Variants in NTRK3 observed in about 807,000 individuals in gnomAD.
The protein encoded by NTRK3 is NT-3 growth factor receptor.
In NTRK3, 24 loss-of-function variants were observed where a neutral mutation model predicts 91.7. The ratio of observed to expected loss-of-function variants is 0.26; its 90% CI spans 0.19 to 0.37. NTRK3 has a LOEUF of 0.37. NTRK3 is among the 10% of genes least tolerant of loss of function. The pLI is 1.00. For missense variants in NTRK3, 880 were observed against 1,068.9 expected (o/e 0.82, Z 2.46); for synonymous variants, 483 against 404.0 (o/e 1.20, Z -2.34).
chr15:88,192,771 C>T (rs531522079), intron 3 of NTRK3, among the ~76,000 whole-genome samples: 38 of 152,144 alleles, frequency 2.5e-4, no homozygotes, highest in Admixed American at 5.2e-4. Context: ...GGACCTCCTA[C>T]GTGAAACACT....
At chr15:87,933,965 AAG>A (rs1297348101) in intron 15 of NTRK3, among the ~76,000 whole-genome samples, 2 of 152,200 alleles carry the variant, frequency 1.3e-5, no homozygotes, top group Non-Finnish European at 2.9e-5. Flanking sequence ...AAGTGTGAGA[AAG>A]AGGTGCAAAC....
At chr15:87,955,827 G>A (rs1169019785) in intron 14 of NTRK3, among the ~76,000 whole-genome samples, 1 of 152,118 alleles carries the variant, frequency 6.6e-6, no homozygotes, top group African/African-American at 2.4e-5. Flanking sequence ...TTTGCTGAGG[G>A]GTCACATGTT....
At chr15:88,093,388 G>C (rs1354815640) in intron 13 of NTRK3, among the ~76,000 whole-genome samples, 1 of 152,136 alleles carries the variant, frequency 6.6e-6, no homozygotes, top group Non-Finnish European at 1.5e-5. Context: ...TAGAAAGCAG[G>C]AAGGGGAGGA....
intron 14 of NTRK3, among the ~76,000 whole-genome samples, chr15:88,008,647 C>T (rs2076655761): frequency 6.6e-6 from 1 of 152,122 alleles, no homozygotes; most frequent in African/African-American, 2.4e-5. Context: ...GAGTCCCAGT[C>T]TCCTGACACT....
rs183148552 is a variant in NTRK3 at position 88,230,559 on chromosome 15, A to G, written c.248+25347T>C. 3.7e-3 allele frequency among the ~76,000 whole-genome samples: 567 copies of G among 152,358 alleles called. 3 individuals carry two copies. Among genetic ancestry groups the G allele is most frequent in the African/African-American group, 0.013 (532 of 41,586 alleles). On this transcript the variant is annotated intron_variant, in intron 3 of 18. Coordinates refer to ENST00000394480, the Ensembl canonical transcript of NTRK3. The stretch of plus-strand genomic sequence containing the variant: ...GAGTAAAAAGTTATTTTGAAAAGCC[A>G]TCAATTTTAATTTTAATCATTTTAA...
exon 19 of NTRK3, chr15:87,867,722 C>G (rs1433540863): frequency 8.7e-6 from 2 of 228,664 alleles, no homozygotes; most frequent in Non-Finnish European, 1.7e-5. Flanking sequence ...AGTGTCTGAG[C>G]TTCATATCTG....
chr15:88,103,867 T>G (rs1023518675), intron 13 of NTRK3, among the ~76,000 whole-genome samples: 3 of 152,158 alleles, frequency 2.0e-5, no homozygotes, highest in African/African-American at 7.2e-5. Flanking sequence ...TCTAGATATA[T>G]CCTAGAGGTT....
chr15:88,155,752 AAT>A (rs1349896371), intron 5 of NTRK3, among the ~76,000 whole-genome samples: 4 of 152,250 alleles, frequency 2.6e-5, no homozygotes, highest in African/African-American at 4.8e-5. Context: ...TAATTGCAAC[AAT>A]ATGTTACTTA....
chr15:88,096,841 C>T lies in NTRK3; in HGVS notation c.1396+29430G>A, dbSNP rs2049660427. Reference sequence around the variant, plus strand: ...ACGCTCTTTCTTGACTTTATCATCTCCCTTTCATATTGCCCGCTTGCTCCC... The same window carrying T: ...ACGCTCTTTCTTGACTTTATCATCTTCCTTTCATATTGCCCGCTTGCTCCC... On this transcript the variant is annotated intron_variant, in intron 13 of 18. Transcript: ENST00000394480. Among the ~76,000 whole-genome samples the T allele has an allele frequency of 2.0e-5, 3 of 152,222 alleles. No homozygotes were observed. The South Asian group carries it at 6.2e-4, about 32-fold the overall frequency.
intron 3 of NTRK3, among the ~76,000 whole-genome samples, chr15:88,203,472 T>G (rs1467771123): frequency 1.3e-5 from 2 of 152,168 alleles, no homozygotes; most frequent in East Asian, 3.9e-4. Flanking sequence ...TTCAATCCCA[T>G]AACCACCCTA....
At chr15:87,982,082 G>T (rs1596515418) in intron 14 of NTRK3, among the ~76,000 whole-genome samples, 1 of 152,196 alleles carries the variant, frequency 6.6e-6, no homozygotes, top group African/African-American at 2.4e-5. Context: ...AAAGACCAGG[G>T]CCAAGCCCGC....
intron 3 of NTRK3, among the ~76,000 whole-genome samples, chr15:88,242,778 G>C (rs1212840255): frequency 6.6e-6 from 1 of 152,212 alleles, no homozygotes; most frequent in African/African-American, 2.4e-5. Flanking sequence ...GCTAGGATGG[G>C]CTTTGGCAAA....
At chr15:87,917,267 C>A (rs116500029) in intron 17 of NTRK3, among the ~76,000 whole-genome samples, 3,733 of 152,288 alleles carry the variant, frequency 0.025, 58 homozygotes, top group Middle Eastern at 0.034. Context: ...AAAGACAAAT[C>A]TCTCACTGAA....
chr15:88,079,090 C>T (rs1597175083), intron 13 of NTRK3, among the ~76,000 whole-genome samples: 1 of 151,922 alleles, frequency 6.6e-6, no homozygotes, highest in Non-Finnish European at 1.5e-5. Context: ...GTGGTGTTGG[C>T]GGAGGGGTGG....
chr15:88,172,815 G>A (rs1056553264), intron 5 of NTRK3, among the ~76,000 whole-genome samples: 19 of 152,292 alleles, frequency 1.2e-4, no homozygotes, highest in Middle Eastern at 3.4e-3. Context: ...ACCACAGGGC[G>A]TCTGGAGGAC....
At chr15:88,187,933 CAAA>C (rs374017458) in intron 3 of NTRK3, among the ~76,000 whole-genome samples, 2 of 114,640 alleles carry the variant, frequency 1.7e-5, no homozygotes. Flanking sequence ...GACACTGTCT[CAAA>C]AAAAAAAAAA....
chr15:87,901,257 G>A lies in NTRK3; in HGVS notation c.2134-20829C>T, dbSNP rs138306588. 5.5e-3 allele frequency among the ~76,000 whole-genome samples: 837 copies of A among 152,340 alleles called. 11 individuals are homozygous for A. The highest frequency in any genetic ancestry group is 0.019 in the African/African-American group (793 of 41,578). On this transcript the variant is annotated intron_variant, in intron 17 of 18. Transcript: ENST00000394480. ...ATGAACCTACAAGAAAGTCTTAAATGTGAAGCCAGAAATCACAGTTGGAGA... is the reference window on the plus strand; with the variant it reads ...ATGAACCTACAAGAAAGTCTTAAATATGAAGCCAGAAATCACAGTTGGAGA...
In NTRK3 at chr15:88,018,943, C is replaced by T. The variant is rs564526770; in HGVS notation, c.1585+13914G>A. Among the ~76,000 whole-genome samples the T allele has an allele frequency of 1.6e-4, 24 of 152,018 alleles. 1 individual carries two copies. In the South Asian group the frequency reaches 5.0e-3, roughly 31 times the overall value. On this transcript the variant is annotated intron_variant, in intron 14 of 18. Transcript: ENST00000394480. ...CCCCCTTTTCCCCTCTCTTCACCAC[C>T]TACCTGCTCCCACCTACTCTCCAAA...
intron 3 of NTRK3, among the ~76,000 whole-genome samples, chr15:88,197,585 T>C (rs2047943522): frequency 6.6e-6 from 1 of 152,170 alleles, no homozygotes; most frequent in African/African-American, 2.4e-5. Context: ...CAGAAGCAAC[T>C]TTTTCTCTGT....
Sources: gnomAD v4.1 joint callset for allele counts (sites outside exome capture counted in the v4.1 genomes callset) on GRCh38, gnomAD v4.1.1 for gene constraint, MANE v1.5 for transcripts, NCBI Gene and HGNC (gene_info 2026-07-23, HGNC 2026-07-21) for gene names.